Variants in CACNA1E observed in about 807,000 individuals in gnomAD.
CACNA1E encodes calcium voltage-gated channel subunit alpha1 E.
Under a neutral mutation model 259.2 loss-of-function variants are expected in CACNA1E, and 40 were observed. That is an observed-to-expected ratio of 0.15 (90% CI 0.12 to 0.20). The LOEUF (loss-of-function observed/expected upper bound fraction) is 0.20. Among genes scored for constraint, CACNA1E ranks in the 10% least tolerant of loss-of-function variants. The pLI, the probability that CACNA1E is intolerant of heterozygous loss-of-function variation, is 1.00. For missense variants in CACNA1E, 1,874 were observed against 3,040.1 expected (o/e 0.62, Z 9.02); for synonymous variants, 1,104 against 1,138.5 (o/e 0.97, Z 0.61).
intron 1 of CACNA1E, among the ~76,000 whole-genome samples, chr1:181,385,969 G>A (rs1198607554): frequency 5.3e-5 from 8 of 152,004 alleles, no homozygotes. Flanking sequence ...TAGAGATAAA[G>A]TAGCAAATGA....
chr1:181,457,220 T>C (rs929434061), intron 2 of CACNA1E, among the ~76,000 whole-genome samples: 2 of 152,240 alleles, frequency 1.3e-5, no homozygotes, highest in Non-Finnish European at 2.9e-5. Context: ...AAAGGATCTC[T>C]TTGGGGCCTC....
At chr1:181,583,224 T>C (rs1651726525) in intron 6 of CACNA1E, among the ~76,000 whole-genome samples, 1 of 152,178 alleles carries the variant, frequency 6.6e-6, no homozygotes, top group South Asian at 2.1e-4. Flanking sequence ...TGTATACATA[T>C]ATATGTGTGT....
intron 3 of CACNA1E, among the ~76,000 whole-genome samples, chr1:181,549,820 C>G (rs74355628): frequency 0.032 from 4,837 of 152,268 alleles, 129 homozygotes; most frequent in Non-Finnish European, 0.052. Flanking sequence ...TCACGGCAAC[C>G]ACTGGAGTGG....
At chr1:181,486,966 T>C (rs1158353155) in intron 1 of CACNA1E, among the ~76,000 whole-genome samples, 2 of 152,150 alleles carry the variant, frequency 1.3e-5, no homozygotes, top group Admixed American at 6.5e-5. Context: ...GATCCCTGTG[T>C]GATTAATATG....
intron 17 of CACNA1E, among the ~76,000 whole-genome samples, chr1:181,725,051 C>A (rs900211161): frequency 1.3e-5 from 2 of 152,186 alleles, no homozygotes. Flanking sequence ...GAACTGTTCC[C>A]TTCTTTTCTC....
intron 6 of CACNA1E, among the ~76,000 whole-genome samples, chr1:181,631,497 G>T (rs1440234773): frequency 6.6e-6 from 1 of 152,162 alleles, no homozygotes; most frequent in Non-Finnish European, 1.5e-5. Flanking sequence ...CCAGCATCGT[G>T]CTCTGAGCAT....
At chr1:181,326,801 C>T (rs1191037391) in intron 1 of CACNA1E, among the ~76,000 whole-genome samples, 1 of 152,138 alleles carries the variant, frequency 6.6e-6, no homozygotes. Flanking sequence ...ATCTTGTCCT[C>T]CTCTCACATG....
intron 6 of CACNA1E, among the ~76,000 whole-genome samples, chr1:181,593,729 G>A (rs1652885848): frequency 6.6e-6 from 1 of 152,090 alleles, no homozygotes; most frequent in African/African-American, 2.4e-5. Context: ...AGTAGAGACG[G>A]GGTTTCACCA....
intron 2 of CACNA1E, among the ~76,000 whole-genome samples, chr1:181,423,076 C>A (rs536917268): frequency 6.6e-6 from 1 of 152,170 alleles, no homozygotes; most frequent in Non-Finnish European, 1.5e-5. Flanking sequence ...GGTTCATATC[C>A]AAATTACGTA....
At chr1:181,420,292 G>A (rs1658633095) in intron 2 of CACNA1E, among the ~76,000 whole-genome samples, 1 of 152,120 alleles carries the variant, frequency 6.6e-6, no homozygotes, top group African/African-American at 2.4e-5. Context: ...GGTGATTTCA[G>A]ATGAAGCAGA....
In CACNA1E at chr1:181,798,339, C is replaced by T; in HGVS notation, c.6447C>T (p.Thr2149=). 1 of 1,608,790 alleles carries T rather than the reference C, an allele frequency of 6.2e-7. No individual in the cohort carries two copies. Among genetic ancestry groups the T allele is most frequent in the East Asian group, 2.2e-5 (1 of 44,822 alleles). The part of the protein sequence containing the change: ...SESSIPSVSD[T]STPRRSRRQL... ...GCTCCATCCCCTCTGTCTCTGACAC[C>T]AGCACCCCAAGAAGAAGTCGTCGGC... Residue 2149 remains threonine, a synonymous_variant, in exon 48 of 48, where the codon ACC becomes ACT. Coordinates refer to ENST00000367573, the MANE Select transcript of CACNA1E (RefSeq NM_001205293.3). The surrounding 1 kb of genome is among the most constrained non-coding windows in gnomAD (Gnocchi z 4.2).
chr1:181,558,643 G>A (rs1014062069), intron 3 of CACNA1E, among the ~76,000 whole-genome samples: 5 of 152,156 alleles, frequency 3.3e-5, no homozygotes, highest in South Asian at 4.1e-4. Context: ...GGTGGCAGGC[G>A]GAGGCGTGGC....
At chr1:181,584,852 A>G (rs1053248810) in intron 6 of CACNA1E, among the ~76,000 whole-genome samples, 1 of 152,208 alleles carries the variant, frequency 6.6e-6, no homozygotes. Flanking sequence ...TGATTATCTT[A>G]TGGTGCTAGA....
At position 181,592,147 on chromosome 1, in the gene CACNA1E, C is replaced by G. The variant is rs543671986; in HGVS notation, c.951+11371C>G. ...GAGGAGATGCTTCCCTGAGCCTTCT[C>G]CCCCAGACCTAAATGTTATTAGCAC... On this transcript the variant is annotated intron_variant, in intron 6 of 47. Transcript: ENST00000367573. Among the ~76,000 whole-genome samples the G allele has an allele frequency of 3.9e-5, 6 of 152,280 alleles. No homozygotes were observed. The South Asian group carries it at 1.2e-3, about 32-fold the overall frequency.
chr1:181,702,698 T>C (rs960253576), intron 7 of CACNA1E, among the ~76,000 whole-genome samples: 1 of 152,158 alleles, frequency 6.6e-6, no homozygotes, highest in Non-Finnish European at 1.5e-5. Flanking sequence ...GCCCTGGTCA[T>C]CACCTCTGCC....
chr1:181,691,223 G>T (rs923522466), intron 7 of CACNA1E, among the ~76,000 whole-genome samples: 2 of 143,960 alleles, frequency 1.4e-5, no homozygotes, highest in Admixed American at 6.7e-5. Context: ...TATTTATTTA[G>T]TTCTTTGATT....
intron 3 of CACNA1E, among the ~76,000 whole-genome samples, chr1:181,546,847 G>T (rs2102814696): frequency 6.6e-6 from 1 of 152,312 alleles, no homozygotes; most frequent in African/African-American, 2.4e-5. Context: ...GGGGTAAGAA[G>T]TAGTGACCCA....
At chr1:181,592,310 T>C (rs1314064641) in intron 6 of CACNA1E, among the ~76,000 whole-genome samples, 2 of 152,004 alleles carry the variant, frequency 1.3e-5, no homozygotes, top group African/African-American at 4.8e-5. Context: ...CACTGATGGA[T>C]TGATTTCACA....
chr1:181,367,459 G>A (rs1045816284), intron 1 of CACNA1E, among the ~76,000 whole-genome samples: 4 of 151,276 alleles, frequency 2.6e-5, no homozygotes, highest in African/African-American at 9.7e-5. Flanking sequence ...TCTCAAAGGG[G>A]TATAGACATT....
Sources: gnomAD v4.1 joint callset for allele counts (sites outside exome capture counted in the v4.1 genomes callset) on GRCh38, gnomAD v4.1.1 for gene constraint, Gnocchi (gnomAD v3.1) non-coding constraint, MANE v1.5 for transcripts, NCBI Gene and HGNC (gene_info 2026-07-23, HGNC 2026-07-21) for gene names.